Variants in ACOT11 observed in about 807,000 individuals in gnomAD.
The protein encoded by ACOT11 is acyl-CoA thioesterase 11, also known as acyl-coenzyme A thioesterase 11.
Under a neutral mutation model 77.5 loss-of-function variants are expected in ACOT11, and 69 were observed. The observed-to-expected ratio is 0.89, with a 90% CI of 0.73 to 1.09. The LOEUF is 1.09. ACOT11 is among the 50% of genes least tolerant of loss of function. The pLI, the probability that ACOT11 is intolerant of heterozygous loss-of-function variation, is 0.00. For synonymous variants in ACOT11, 279 were observed against 313.0 expected (o/e 0.89, Z 1.15); for missense variants, 766 against 813.7 (o/e 0.94, Z 0.71).
chr1:54,608,974 G>A lies in ACOT11; in HGVS notation c.1647G>A (p.Gln549=), dbSNP rs45542642. The change falls in exon 16 of 16, where the codon CAG becomes CAA. Residue 549 remains glutamine, a synonymous_variant. Coordinates refer to ENST00000343744, the MANE Select transcript of ACOT11 (RefSeq NM_147161.4). ...CCCTGCAGGTATCCTACTACAACCA[G>A]GCCACCCCAGGTGTTCTCAACTATG... is the stretch of plus-strand genomic sequence containing the variant. ...DQLTKVSYYN[Q]ATPGVLNYVT... The A allele has an allele frequency of 0.012, 18,806 of 1,613,790 alleles. 134 individuals are homozygous for A. The highest frequency in any genetic ancestry group is 0.014 in the Non-Finnish European group (16,755 of 1,179,890).
chr1:54,604,630 C>G (rs183977443), intron 12 of ACOT11, among the ~76,000 whole-genome samples: 333 of 152,304 alleles, frequency 2.2e-3, no homozygotes, highest in Non-Finnish European at 4.0e-3. Flanking sequence ...ATTCTTCTCT[C>G]CTGCCTGCCC....
chr1:54,633,518 G>A (rs772946143), intron 16 of ACOT11, among the ~76,000 whole-genome samples: 1 of 152,120 alleles, frequency 6.6e-6, no homozygotes, highest in Non-Finnish European at 1.5e-5. Context: ...GCAAGACTGC[G>A]AACAGTTTGC....
intron 1 of ACOT11, among the ~76,000 whole-genome samples, chr1:54,556,707 G>A (rs1276636872): frequency 2.0e-5 from 3 of 151,420 alleles, no homozygotes; most frequent in Admixed American, 6.6e-5. Context: ...TCAGTCCCCC[G>A]AGTAGCTGGG....
intron 15 of ACOT11, among the ~76,000 whole-genome samples, chr1:54,615,478 C>T (rs1358817979): frequency 6.6e-6 from 1 of 151,810 alleles, no homozygotes; most frequent in Non-Finnish European, 1.5e-5. Flanking sequence ...TCATGGTAGT[C>T]AAGGGAAGCC....
chr1:54,567,435 C>A (rs1653774057), intron 1 of ACOT11, among the ~76,000 whole-genome samples: 1 of 151,996 alleles, frequency 6.6e-6, no homozygotes, highest in Non-Finnish European at 1.5e-5. Context: ...CCTACCACCA[C>A]ACCCAGCTAA....
intron 15 of ACOT11, 24 bp downstream of exon 15, chr1:54,608,092 G>T (rs754053972): frequency 6.3e-7 from 1 of 1,598,190 alleles, no homozygotes; most frequent in South Asian, 1.1e-5. Flanking sequence ...CCCCAACCAC[G>T]CCCCCAGCCT....
chr1:54,606,773 C>G (rs569002688), intron 13 of ACOT11, among the ~76,000 whole-genome samples: 2 of 152,258 alleles, frequency 1.3e-5, no homozygotes, highest in Non-Finnish European at 2.9e-5. Context: ...GTGGTGTCTG[C>G]ACCTGCGCAG....
At chr1:54,624,275 C>T (rs758773611) in intron 15 of ACOT11, among the ~76,000 whole-genome samples, 3 of 151,790 alleles carry the variant, frequency 2.0e-5, no homozygotes, top group Non-Finnish European at 2.9e-5. Flanking sequence ...ATAGGCCACC[C>T]GAGGCAGAGC....
At chr1:54,563,634 C>CT (rs2100951411) in intron 1 of ACOT11, among the ~76,000 whole-genome samples, 1 of 152,300 alleles carries the variant, frequency 6.6e-6, no homozygotes, top group Non-Finnish European at 1.5e-5. Flanking sequence ...GCCTAGAAAG[C>CT]TCTATGGGCC....
chr1:54,624,276 G>A (rs948779404), intron 15 of ACOT11, among the ~76,000 whole-genome samples: 2 of 152,098 alleles, frequency 1.3e-5, no homozygotes, highest in African/African-American at 2.4e-5. Flanking sequence ...TAGGCCACCC[G>A]AGGCAGAGCC....
At chr1:54,554,598 C>A (rs1231046441) in intron 1 of ACOT11, among the ~76,000 whole-genome samples, 1 of 151,656 alleles carries the variant, frequency 6.6e-6, no homozygotes, top group African/African-American at 2.4e-5. Flanking sequence ...CTCAAACTAT[C>A]CTCTCCCCTT....
intron 4 of ACOT11, among the ~76,000 whole-genome samples, chr1:54,593,283 T>A (rs1380685131): frequency 1.3e-5 from 2 of 152,092 alleles, no homozygotes; most frequent in East Asian, 3.9e-4. Flanking sequence ...ATTTTATTTT[T>A]ATTATTGTTT....
At position 54,562,486 on chromosome 1, in the gene ACOT11, C is replaced by T. The variant is rs1212231208; in HGVS notation, c.33+14144C>T. On this transcript the variant is annotated intron_variant, in intron 1 of 15. Coordinates refer to ENST00000343744, the MANE Select transcript of ACOT11 (RefSeq NM_147161.4). ...CTCCCGGACGGCACGGCTGGCCAGG[C>T]GGGGGGCTGACCCCCCCACCTCCCT... is the stretch of plus-strand genomic sequence containing the variant. Among the ~76,000 whole-genome samples the T allele has an allele frequency of 5.5e-5, 4 of 72,222 alleles. 1 individual carries two copies. Among genetic ancestry groups the T allele is most frequent in the Admixed American group, 1.1e-4 (1 of 9,262 alleles). The allele number at this position is 72,222 out of a possible 152,430, so 47.4% of individuals were successfully genotyped here.
At chr1:54,579,447 G>A (rs1319599563) in intron 1 of ACOT11, among the ~76,000 whole-genome samples, 1 of 151,484 alleles carries the variant, frequency 6.6e-6, no homozygotes, top group African/African-American at 2.5e-5. Context: ...TAGGCCAAAA[G>A]AGGAGCTTTG....
chr1:54,628,592 CG>C (rs1476790284), intron 15 of ACOT11, among the ~76,000 whole-genome samples: 2 of 99,738 alleles, frequency 2.0e-5, no homozygotes, highest in East Asian at 4.1e-4. Flanking sequence ...AAGACCCCAT[CG>C]CCCCCCCCCC....
chr1:54,611,348 C>T (rs377519121), downstream of ACOT11, among the ~76,000 whole-genome samples: 9 of 151,982 alleles, frequency 5.9e-5, no homozygotes, highest in Admixed American at 3.3e-4. Flanking sequence ...TACAGGGAGC[C>T]GAGATTGCGC....
chr1:54,637,701 T>G, exon 17 of ACOT11: 1 of 151,690 alleles, frequency 6.6e-6, no homozygotes, highest in Admixed American at 6.6e-5. Context: ...GCAGGAGAAT[T>G]GGTTGAACCC....
chr1:54,552,830 GTT>G lies in ACOT11; in HGVS notation c.33+4501_33+4502del, dbSNP rs199905803. On this transcript the variant is annotated intron_variant, in intron 1 of 15. Transcript: ENST00000343744. ...TGTTGTTGTTGTTTGTTTTTGTTTT[GTT>G]TTTTTTTTTTTTGAGACGGAGTTTC... is the stretch of plus-strand genomic sequence containing the variant. Among the ~76,000 whole-genome samples, 51 of 132,292 alleles carry G rather than the reference GTT, an allele frequency of 3.9e-4. 2 individuals are homozygous for G. Among genetic ancestry groups the G allele is most frequent in the African/African-American group, 4.8e-4 (17 of 35,240 alleles). The allele number at this position is 132,292 out of a possible 152,430, so 86.8% of individuals were successfully genotyped here.
At chr1:54,552,954 A>G (rs949549311) in intron 1 of ACOT11, among the ~76,000 whole-genome samples, 2 of 150,874 alleles carry the variant, frequency 1.3e-5, no homozygotes, top group Admixed American at 6.6e-5. Context: ...CAGCCTCCCA[A>G]GTAGCTGGGA....
Sources: allele counts gnomAD v4.1 joint callset (sites outside exome capture counted in the v4.1 genomes callset), GRCh38; gene constraint gnomAD v4.1.1; transcripts MANE v1.5; gene names NCBI Gene and HGNC (gene_info 2026-07-23, HGNC 2026-07-21).